The following PDCD6 variants were observed in gnomAD, a reference collection of about 807,000 sequenced individuals.
PDCD6 encodes programmed cell death protein 6.
PDCD6 carries 12 observed loss-of-function variants against 28.3 expected under a neutral mutation model. That is an observed-to-expected ratio of 0.42 (90% CI 0.27 to 0.69). The LOEUF (loss-of-function observed/expected upper bound fraction) is 0.69, where lower values mean the gene tolerates loss of function less well. Among genes scored for constraint, PDCD6 ranks in the 30% least tolerant of loss-of-function variants. PDCD6 has a pLI of 0.22. For missense variants in PDCD6, 226 were observed against 269.9 expected (o/e 0.84, Z 1.14); for synonymous variants, 92 against 108.0 (o/e 0.85, Z 0.92).
intron 3 of PDCD6, chr5:304,688 G>A (rs1398859739): frequency 6.4e-6 from 1 of 156,950 alleles, no homozygotes; most frequent in Non-Finnish European, 1.4e-5. Context: ...CCTTGGGAGG[G>A]TGGTCTACAG....
intron 2 of PDCD6, among the ~76,000 whole-genome samples, chr5:286,294 G>T (rs1738957005): frequency 6.6e-6 from 1 of 151,860 alleles, no homozygotes; most frequent in South Asian, 2.1e-4. Flanking sequence ...GGGAGCTGAT[G>T]TTGCAGTTTG....
rs1319890371 is a variant in PDCD6, at chr5:282,040, A to G, written c.163+9268A>G. Among the ~76,000 whole-genome samples the G allele has an allele frequency of 2.0e-5, 3 of 148,870 alleles. No individual in the cohort carries two copies. The East Asian group carries it at 5.9e-4, about 29-fold the overall frequency. On this transcript the variant is annotated intron_variant, in intron 2 of 5. Coordinates refer to ENST00000264933, the MANE Select transcript of PDCD6 (RefSeq NM_013232.4). ...GAGGGCCCTGCAGCTGGAGATACAG[A>G]TAGGAGCTGATGTTGTAGTTTGAGG...
chr5:287,611 A>C (rs975273481), intron 2 of PDCD6, among the ~76,000 whole-genome samples: 1 of 152,188 alleles, frequency 6.6e-6, no homozygotes. Flanking sequence ...ACATCTTTTC[A>C]ATCAGTTAGT....
At chr5:292,453 T>A (rs1561039940) in intron 2 of PDCD6, among the ~76,000 whole-genome samples, 1 of 152,104 alleles carries the variant, frequency 6.6e-6, no homozygotes, top group East Asian at 1.9e-4. Context: ...GAGATGGGGT[T>A]TCACCATGTT....
At chr5:278,517 C>G (rs1052319523) in intron 2 of PDCD6, among the ~76,000 whole-genome samples, 22 of 148,828 alleles carry the variant, frequency 1.5e-4, no homozygotes, top group African/African-American at 5.5e-4. Context: ...TGAGACCAGC[C>G]TGGGCAACAT....
In PDCD6 at chr5:277,771, C is replaced by T. The variant is rs1463753285; in HGVS notation, c.163+4999C>T. On this transcript the variant is annotated intron_variant, in intron 2 of 5. Coordinates refer to ENST00000264933, the MANE Select transcript of PDCD6 (RefSeq NM_013232.4). The stretch of plus-strand genomic sequence containing the variant: ...TCTCTACTAAAAATACAAAATTAGC[C>T]GGGAATGGTGGTGCGCGCCTATAAT... Among the ~76,000 whole-genome samples, 8 of 151,922 alleles carry T rather than the reference C, an allele frequency of 5.3e-5. 1 individual carries two copies. The highest frequency in any genetic ancestry group is 6.8e-3 in the Middle Eastern group (2 of 294).
At chr5:282,272 C>CG (rs56327944) in intron 2 of PDCD6, among the ~76,000 whole-genome samples, 843 of 76,636 alleles carry the variant, frequency 0.011, 5 homozygotes, top group East Asian at 0.037. Context: ...GCGGAAAAAT[C>CG]GGGGGGGGGG....
Position 314,590 on chromosome 5 carries a change from A to G in PDCD6, c.*75A>G, listed in dbSNP as rs1352493395. On this transcript the variant is annotated 3_prime_UTR_variant, in exon 6 of 6. Coordinates refer to ENST00000264933, the MANE Select transcript of PDCD6 (RefSeq NM_013232.4). ...ACAGTTCCTATCTGTGAGGGAATGG[A>G]GCACAGGTGCAGTTAGATGCTGTTC... The G allele has an allele frequency of 9.7e-7, 1 of 1,035,186 alleles. No individual in the cohort carries two copies. Among genetic ancestry groups the G allele is most frequent in the Non-Finnish European group, 1.5e-6 (1 of 659,678 alleles). 64.1% of individuals were successfully genotyped at this position (1,035,186 alleles called of 1,614,324 possible).
At chr5:306,282 C>A in intron 3 of PDCD6, 1 of 296,074 alleles carries the variant, frequency 3.4e-6, no homozygotes, top group South Asian at 4.0e-5. Context: ...TGAAGCTCTG[C>A]TCTTCTTTCT....
chr5:273,999 A>G (rs1738020363), intron 2 of PDCD6, among the ~76,000 whole-genome samples: 2 of 151,114 alleles, frequency 1.3e-5, no homozygotes, highest in Non-Finnish European at 2.9e-5. Context: ...CGTGGCTACT[A>G]GAAAGAGATG....
intron 2 of PDCD6, among the ~76,000 whole-genome samples, chr5:296,145 C>A (rs1463485256): frequency 1.3e-5 from 2 of 152,120 alleles, no homozygotes; most frequent in African/African-American, 2.4e-5. Context: ...GTTTTAAGAC[C>A]AAAAGGATCC....
At position 314,525 on chromosome 5, in the gene PDCD6, C is replaced by G; in HGVS notation, c.*10C>G. 4 of 1,590,720 alleles carry G rather than the reference C, an allele frequency of 2.5e-6. No individual in the cohort carries two copies. The highest frequency in any genetic ancestry group is 3.5e-6 in the Non-Finnish European group (4 of 1,158,942). ...CTTCAGTATCGTATGACCCTGGCCT[C>G]TCGTGAAGAGCAGCACAACATGGAA... On this transcript the variant is annotated 3_prime_UTR_variant, in exon 6 of 6. Transcript: ENST00000264933.
chr5:272,952 T>G, intron 2 of PDCD6, 180 bp downstream of exon 2: 1 of 1,213,016 alleles, frequency 8.2e-7, no homozygotes, highest in Non-Finnish European at 1.1e-6. Flanking sequence ...CTGTTACTGC[T>G]TGGAGTGCCT....
chr5:294,743 A>G (rs1171962516), intron 2 of PDCD6, among the ~76,000 whole-genome samples: 2 of 152,352 alleles, frequency 1.3e-5, no homozygotes, highest in Non-Finnish European at 2.9e-5. Context: ...CCTGCACACA[A>G]GTGTTTAGGC....
intron 2 of PDCD6, among the ~76,000 whole-genome samples, chr5:291,654 C>T (rs972268567): frequency 4.7e-5 from 7 of 150,388 alleles, no homozygotes; most frequent in African/African-American, 1.7e-4. Context: ...TGAGACCCAC[C>T]CACACTGACA....
chr5:279,198 T>C (rs1275512699), intron 2 of PDCD6, among the ~76,000 whole-genome samples: 1 of 138,328 alleles, frequency 7.2e-6, no homozygotes, highest in Non-Finnish European at 1.5e-5. Context: ...CAGTTTTTCA[T>C]TCCCCCCTAA....
intron 2 of PDCD6, chr5:276,973 G>T (rs10452498): frequency 0.14 from 138,892 of 961,486 alleles, 14,842 homozygotes; most frequent in African/African-American, 0.53. Flanking sequence ...GGTGTTTGGG[G>T]TTTTTTTAAC....
chr5:306,575 C>T (rs1401256939), intron 3 of PDCD6, 27 bp from the exon 4 acceptor site: 20 of 1,608,464 alleles, frequency 1.2e-5, no homozygotes, highest in Non-Finnish European at 1.7e-5. Flanking sequence ...TGATCTTTTG[C>T]TGCTTGACCG....
intron 2 of PDCD6, among the ~76,000 whole-genome samples, chr5:279,799 A>G (rs1423011548): frequency 2.0e-5 from 3 of 148,850 alleles, no homozygotes; most frequent in Non-Finnish European, 4.4e-5. Context: ...AAAAAAAAAA[A>G]AAAAAAACGA....
Sources: gnomAD v4.1 joint callset for allele counts (sites outside exome capture counted in the v4.1 genomes callset) on GRCh38, gnomAD v4.1.1 for gene constraint, MANE v1.5 for transcripts, NCBI Gene and HGNC (gene_info 2026-07-23, HGNC 2026-07-21) for gene names.